The following ATP8A2 variants were observed in gnomAD, a reference collection of about 807,000 sequenced individuals.
The protein encoded by ATP8A2 is ATPase phospholipid transporting 8A2, also known as phospholipid-transporting ATPase IB.
ATP8A2 carries 100 observed loss-of-function variants against 165.6 expected under a neutral mutation model. The observed-to-expected ratio is 0.60, with a 90% CI of 0.51 to 0.71. The LOEUF is 0.71. ATP8A2 is among the 30% of genes least tolerant of loss of function. ATP8A2 has a pLI of 0.00. For synonymous variants in ATP8A2, 543 were observed against 548.8 expected, an observed-to-expected ratio of 0.99 and a Z score of 0.15; for missense variants, 1,227 against 1,479.5, an observed-to-expected ratio of 0.83 and a Z score of 2.80.
At chr13:25,533,019 A>G (rs1342026729) in intron 5 of ATP8A2, among the ~76,000 whole-genome samples, 2 of 152,014 alleles carry the variant, frequency 1.3e-5, no homozygotes, top group Non-Finnish European at 2.9e-5. Context: ...TTCTGGGCTG[A>G]AAATAAGTAG....
At chr13:25,559,873 G>T (rs1016558965) in intron 15 of ATP8A2, 108 bp downstream of exon 15, 1 of 814,890 alleles carries the variant, frequency 1.2e-6, no homozygotes, top group South Asian at 1.5e-5. Context: ...TATTGCACAG[G>T]ATGGAGTGCA....
At chr13:25,925,263 G>T (rs1403873552) in intron 33 of ATP8A2, among the ~76,000 whole-genome samples, 1 of 152,178 alleles carries the variant, frequency 6.6e-6, no homozygotes, top group Non-Finnish European at 1.5e-5. Flanking sequence ...GCAGGGCGCT[G>T]TGGCTCAACG....
intron 12 of ATP8A2, 126 bp downstream of exon 12, chr13:25,554,046 C>G (rs958439608): frequency 3.8e-4 from 389 of 1,036,938 alleles, no homozygotes; most frequent in Non-Finnish European, 3.9e-4. Context: ...CTTAAACTGG[C>G]CATACAAAGA....
chr13:25,791,292 C>T (rs1246951456), intron 27 of ATP8A2, among the ~76,000 whole-genome samples: 2 of 151,994 alleles, frequency 1.3e-5, no homozygotes, highest in Non-Finnish European at 2.9e-5. Context: ...GAACAGAAAA[C>T]TAAATACCAC....
intron 33 of ATP8A2, among the ~76,000 whole-genome samples, chr13:25,910,610 G>A (rs1343784656): frequency 6.6e-6 from 1 of 152,134 alleles, no homozygotes; most frequent in Non-Finnish European, 1.5e-5. Flanking sequence ...AAAAACATGG[G>A]ACAACGGGTG....
intron 33 of ATP8A2, among the ~76,000 whole-genome samples, chr13:25,948,195 C>A (rs1955261722): frequency 6.6e-6 from 1 of 152,074 alleles, no homozygotes; most frequent in Admixed American, 6.5e-5. Context: ...GGTAGCCCTT[C>A]TCCTGACAGC....
At chr13:25,644,911 T>G (rs1341902884) in intron 24 of ATP8A2, among the ~76,000 whole-genome samples, 1 of 152,208 alleles carries the variant, frequency 6.6e-6, no homozygotes, top group Non-Finnish European at 1.5e-5. Context: ...GCCTCTTTCA[T>G]TGCTGATTTT....
chr13:25,912,621 C>CCACAT, intron 33 of ATP8A2, among the ~76,000 whole-genome samples: 1 of 152,188 alleles, frequency 6.6e-6, no homozygotes, highest in South Asian at 2.1e-4. Context: ...ACATTGTATT[C>CCACAT]GTGAATCATG....
intron 2 of ATP8A2, among the ~76,000 whole-genome samples, chr13:25,491,195 T>A (rs1032538298): frequency 1.3e-5 from 2 of 152,166 alleles, no homozygotes; most frequent in Non-Finnish European, 2.9e-5. Context: ...AAGTGACGAT[T>A]ATATTCTACG....
intron 33 of ATP8A2, among the ~76,000 whole-genome samples, chr13:25,919,494 G>A (rs552412521): frequency 6.6e-6 from 1 of 152,292 alleles, no homozygotes; most frequent in East Asian, 1.9e-4. Context: ...TGAGCTCTGA[G>A]TTTGTAGAAG....
intron 23 of ATP8A2, among the ~76,000 whole-genome samples, chr13:25,585,886 C>G (rs1031330893): frequency 1.3e-5 from 2 of 152,140 alleles, no homozygotes; most frequent in African/African-American, 4.8e-5. Flanking sequence ...AGGTGCTCCA[C>G]TATAAGCTTG....
At chr13:25,849,018 CG>C (rs1393874657) in intron 30 of ATP8A2, among the ~76,000 whole-genome samples, 1 of 144,244 alleles carries the variant, frequency 6.9e-6, no homozygotes, top group Non-Finnish European at 1.5e-5. Context: ...AAGGTGGGGG[CG>C]GGGGCTGGCT....
intron 35 of ATP8A2, among the ~76,000 whole-genome samples, chr13:25,987,781 C>G (rs1956302385): frequency 6.6e-6 from 1 of 152,168 alleles, no homozygotes; most frequent in Non-Finnish European, 1.5e-5. Flanking sequence ...TTCCATTTAC[C>G]TTAAATCTTA....
chr13:25,621,392 T>C (rs1565987013), intron 24 of ATP8A2, among the ~76,000 whole-genome samples: 2 of 152,126 alleles, frequency 1.3e-5, no homozygotes, highest in Admixed American at 1.3e-4. Context: ...ATTTTTCTCT[T>C]TTTGTTTTTC....
intron 34 of ATP8A2, among the ~76,000 whole-genome samples, chr13:25,967,357 G>A (rs181304734): frequency 6.4e-4 from 97 of 152,300 alleles, no homozygotes; most frequent in African/African-American, 1.7e-3. Flanking sequence ...GGCATATACA[G>A]TGTCTCAGTG....
At chr13:25,972,629 C>T (rs1029061311) in intron 35 of ATP8A2, among the ~76,000 whole-genome samples, 6 of 152,106 alleles carry the variant, frequency 3.9e-5, no homozygotes, top group Non-Finnish European at 7.3e-5. Context: ...CCCCCCGCAC[C>T]GCACATGAAA....
chr13:25,580,058 T>G (rs538169407), intron 22 of ATP8A2, 111 bp downstream of exon 22: 1 of 1,247,270 alleles, frequency 8.0e-7, no homozygotes, highest in Non-Finnish European at 1.1e-6. Flanking sequence ...TCTTTTCTTG[T>G]GTCTTAATGA....
intron 1 of ATP8A2, among the ~76,000 whole-genome samples, chr13:25,400,619 C>CCGATGA (rs2033606779): frequency 6.6e-6 from 1 of 152,184 alleles, no homozygotes; most frequent in South Asian, 2.1e-4. Context: ...GAATCCTTTC[C>CCGATGA]CGATGACTCC....
At chr13:25,593,699 A>G (rs1255787539) in intron 24 of ATP8A2, among the ~76,000 whole-genome samples, 2 of 152,212 alleles carry the variant, frequency 1.3e-5, no homozygotes, top group African/African-American at 4.8e-5. Context: ...GGAGGGAGGC[A>G]TGGCGTTTCA....
Sources: gnomAD v4.1 joint callset for allele counts (sites outside exome capture counted in the v4.1 genomes callset) on GRCh38, gnomAD v4.1.1 for gene constraint, MANE v1.5 for transcripts, NCBI Gene and HGNC (gene_info 2026-07-23, HGNC 2026-07-21) for gene names.